The following NINJ2 variants were observed in gnomAD, a reference collection of about 807,000 sequenced individuals.
NINJ2 encodes ninjurin-2.
A neutral mutation model predicts 11.7 loss-of-function variants in NINJ2; 12 were observed. The ratio of observed to expected loss-of-function variants is 1.02; its 90% confidence interval spans 0.66 to 1.66. The LOEUF is 1.66. Among genes scored for constraint, NINJ2 ranks in the 40% most tolerant of loss-of-function variants. The probability of loss-of-function intolerance (pLI) is 0.00; values close to 1 mark genes in which losing one functional copy is unlikely to be tolerated. For missense variants in NINJ2, 187 were observed against 181.8 expected (o/e 1.03, Z -0.16); for synonymous variants, 93 against 76.8 (o/e 1.21, Z -1.10).
At chr12:631,302 G>T (rs1203525622) in intron 1 of NINJ2, among the ~76,000 whole-genome samples, 1 of 152,160 alleles carries the variant, frequency 6.6e-6, no homozygotes, top group Non-Finnish European at 1.5e-5. Flanking sequence ...CCAGACATGC[G>T]TGGGCATCTG....
chr12:634,665 G>A (rs1948326471), intron 1 of NINJ2, among the ~76,000 whole-genome samples: 1 of 152,132 alleles, frequency 6.6e-6, no homozygotes, highest in Non-Finnish European at 1.5e-5. Flanking sequence ...GAGAGAAAAT[G>A]TAGAGAATGG....
At chr12:639,037 A>T (rs1240000537) in intron 1 of NINJ2, among the ~76,000 whole-genome samples, 4 of 152,166 alleles carry the variant, frequency 2.6e-5, no homozygotes, top group Non-Finnish European at 5.9e-5. Context: ...GCCCCTGAAA[A>T]TTAAAGCAAT....
At chr12:583,969 G>T (rs1398744625) in intron 1 of NINJ2, among the ~76,000 whole-genome samples, 3 of 152,046 alleles carry the variant, frequency 2.0e-5, no homozygotes, top group African/African-American at 7.3e-5. Context: ...AAAATATTAA[G>T]CATCGTCTTG....
intron 1 of NINJ2, among the ~76,000 whole-genome samples, chr12:571,284 T>G (rs886500932): frequency 5.3e-5 from 8 of 152,218 alleles, no homozygotes; most frequent in African/African-American, 1.9e-4. Flanking sequence ...GATCCAGAGT[T>G]TGATCTGGAC....
chr12:641,797 AT>A (rs10713836), intron 1 of NINJ2, among the ~76,000 whole-genome samples: 46,361 of 149,288 alleles, frequency 0.31, 7,289 homozygotes, highest in Non-Finnish European at 0.35. Flanking sequence ...GTGAGCCGAG[AT>A]GGCGCCACTG....
At chr12:641,547 G>T (rs770521851) in intron 1 of NINJ2, among the ~76,000 whole-genome samples, 4 of 152,124 alleles carry the variant, frequency 2.6e-5, no homozygotes, top group African/African-American at 4.8e-5. Flanking sequence ...TTGTGCTAAA[G>T]AAACAGGCTA....
chr12:642,495 TG>T (rs1948432117), intron 1 of NINJ2, among the ~76,000 whole-genome samples: 1 of 152,236 alleles, frequency 6.6e-6, no homozygotes, highest in Non-Finnish European at 1.5e-5. Flanking sequence ...GCCAAAGTGC[TG>T]GAATTACCGG....
chr12:646,627 C>T (rs1333701309), intron 1 of NINJ2, among the ~76,000 whole-genome samples: 6 of 152,182 alleles, frequency 3.9e-5, no homozygotes, highest in Non-Finnish European at 7.4e-5. Context: ...TCCCTTGGGA[C>T]GGAGCCCTGT....
intron 1 of NINJ2, among the ~76,000 whole-genome samples, chr12:611,465 A>G (rs921489295): frequency 3.3e-5 from 5 of 151,988 alleles, no homozygotes; most frequent in Admixed American, 6.6e-5. Context: ...AGCCTCCTGC[A>G]TAGCTCAGAT....
intron 1 of NINJ2, among the ~76,000 whole-genome samples, chr12:604,115 G>A (rs969941298): frequency 3.9e-5 from 6 of 152,184 alleles, no homozygotes; most frequent in Non-Finnish European, 7.3e-5. Context: ...AAGATCATTT[G>A]AGCTATTCTG....
chr12:641,541 G>A (rs1322410460), intron 1 of NINJ2, among the ~76,000 whole-genome samples: 2 of 152,138 alleles, frequency 1.3e-5, no homozygotes, highest in Non-Finnish European at 1.5e-5. Context: ...AGACTCTTGT[G>A]CTAAAGAAAC....
chr12:579,017 G>A (rs1359145110), intron 1 of NINJ2, among the ~76,000 whole-genome samples: 1 of 152,222 alleles, frequency 6.6e-6, no homozygotes, highest in Non-Finnish European at 1.5e-5. Context: ...CTAAACACGG[G>A]TAAGTGGAAA....
chr12:632,945 A>G (rs1210738474), intron 1 of NINJ2, among the ~76,000 whole-genome samples: 2 of 152,232 alleles, frequency 1.3e-5, no homozygotes, highest in East Asian at 1.9e-4. Flanking sequence ...ATTTCATGCC[A>G]TGAACACAAA....
rs1179186409 is a variant in NINJ2 at position 629,881 on chromosome 12, C to CAAA, written c.33+33444_33+33446dup. On this transcript the variant is annotated intron_variant, in intron 1 of 3. Transcript: ENST00000305108. ...CAGCCTCGGCGACAAGAGCAAAACT[C>CAAA]AAAAAAAAAAAAAAAATATATATAT... Among the ~76,000 whole-genome samples the CAAA allele has an allele frequency of 3.6e-3, 12 of 3,370 alleles. 1 individual carries two copies. The highest frequency in any genetic ancestry group is 4.2e-3 in the African/African-American group (12 of 2,826). 2.2% of individuals were successfully genotyped at this position (3,370 alleles called of 152,430 possible). A position where few individuals can be genotyped will look rare whatever the true frequency, so the allele number is the denominator to read the frequency against.
At chr12:621,552 G>C (rs1029807259) in intron 1 of NINJ2, among the ~76,000 whole-genome samples, 5 of 152,142 alleles carry the variant, frequency 3.3e-5, no homozygotes, top group African/African-American at 1.2e-4. Context: ...TGGGCACAGT[G>C]GTTCACAACT....
chr12:565,418 T>TG lies in NINJ2; in HGVS notation c.263-18dup. ...TCAGCCGTGCTGCAGGGAAGTGGAG[T>TG]GGGGGGAAAGGGTCAGAGACGGGGC... On this transcript the variant is annotated splice_polypyrimidine_tract_variant and intron_variant, in intron 2 of 3. Transcript: ENST00000305108. The TG allele has an allele frequency of 6.2e-7, 1 of 1,610,526 alleles. No homozygotes were observed. The highest frequency in any genetic ancestry group is 8.5e-7 in the Non-Finnish European group (1 of 1,178,496).
chr12:662,805 T>G (rs1358277604), intron 1 of NINJ2, among the ~76,000 whole-genome samples: 1 of 152,200 alleles, frequency 6.6e-6, no homozygotes, highest in Non-Finnish European at 1.5e-5. Flanking sequence ...ATTAGACTGA[T>G]TTCCTTTCCT....
chr12:658,707 T>G (rs1937910273), intron 1 of NINJ2, among the ~76,000 whole-genome samples: 1 of 82,362 alleles, frequency 1.2e-5, no homozygotes, highest in African/African-American at 4.5e-5. Flanking sequence ...TATGCTATGC[T>G]ATGCTATGCT....
chr12:597,355 C>T (rs944920812), intron 1 of NINJ2, among the ~76,000 whole-genome samples: 26 of 152,112 alleles, frequency 1.7e-4, no homozygotes, highest in African/African-American at 5.6e-4. Flanking sequence ...TAAGAGTGTG[C>T]GGCACTCAAT....
Sources: gnomAD v4.1 joint callset for allele counts (sites outside exome capture counted in the v4.1 genomes callset) on GRCh38, gnomAD v4.1.1 for gene constraint, MANE v1.5 for transcripts, NCBI Gene and HGNC (gene_info 2026-07-23, HGNC 2026-07-21) for gene names.